COBL: variants seen among roughly 807,000 people sequenced by gnomAD.
The protein encoded by COBL is cordon-bleu WH2 repeat protein, also known as protein cordon-bleu.
In COBL, 51 loss-of-function variants were observed where a neutral mutation model predicts 98.8. The ratio of observed to expected loss-of-function variants is 0.52; its 90% CI spans 0.41 to 0.65. The LOEUF (loss-of-function observed/expected upper bound fraction) is 0.65, where lower values mean the gene tolerates loss of function less well. Ranked by LOEUF, COBL falls within the 30% of genes least tolerant of loss-of-function variation. The probability of loss-of-function intolerance (pLI) is 0.00; values close to 1 mark genes in which losing one functional copy is unlikely to be tolerated. For missense variants in COBL, 1,617 were observed against 1,617.5 expected (o/e 1.00, Z 0.01); for synonymous variants, 634 against 651.7 (o/e 0.97, Z 0.41).
chr7:51,280,834 T>C (rs144383235), intron 1 of COBL, among the ~76,000 whole-genome samples: 14 of 152,288 alleles, frequency 9.2e-5, no homozygotes, highest in African/African-American at 3.4e-4. Context: ...GTACAGACTT[T>C]CAAACTTAAC....
At chr7:51,125,040 T>C (rs919838962) in intron 6 of COBL, among the ~76,000 whole-genome samples, 3 of 152,196 alleles carry the variant, frequency 2.0e-5, no homozygotes, top group African/African-American at 7.2e-5. Context: ...CTTGAACTCC[T>C]GACCTTAAGT....
At chr7:51,315,330 G>C (rs774517739) in intron 1 of COBL, among the ~76,000 whole-genome samples, 1 of 151,406 alleles carries the variant, frequency 6.6e-6, no homozygotes, top group African/African-American at 2.4e-5. Flanking sequence ...TATTTGATTT[G>C]CTAACCTGGC....
At chr7:51,240,474 A>G (rs992828215) in intron 1 of COBL, among the ~76,000 whole-genome samples, 11 of 152,380 alleles carry the variant, frequency 7.2e-5, no homozygotes, top group African/African-American at 2.4e-4. Flanking sequence ...GTGCGGCTCA[A>G]GTGAACAAAA....
At chr7:51,141,971 C>G (rs9691119) in intron 5 of COBL, among the ~76,000 whole-genome samples, 1 of 152,190 alleles carries the variant, frequency 6.6e-6, no homozygotes, top group African/African-American at 2.4e-5. Flanking sequence ...AGGGCACAGC[C>G]TTCCTGACAG....
At position 51,027,946 on chromosome 7, in the gene COBL, G is replaced by A; in HGVS notation, c.3150C>T (p.Ser1050=). 1 of 1,612,488 alleles carries A rather than the reference G, an allele frequency of 6.2e-7. No homozygotes were observed. The highest frequency in any genetic ancestry group is 8.5e-7 in the Non-Finnish European group (1 of 1,179,032). ...CTGTGCCAGACCCTCCTGGAGGGTG[G>A]GAAGGCTCGCCGTGGCCTGGGGCGC... The part of the protein sequence containing the change: ...SVRAPGHGEP[S]HPPGGSGTES... The change falls in exon 10 of 13, where the codon TCC becomes TCT. Residue 1050 remains serine (S), a synonymous_variant. Coordinates refer to ENST00000265136, the MANE Select transcript of COBL (RefSeq NM_015198.5).
At chr7:51,183,523 T>C (rs1789192918) in intron 5 of COBL, among the ~76,000 whole-genome samples, 1 of 152,168 alleles carries the variant, frequency 6.6e-6, no homozygotes, top group Admixed American at 6.5e-5. Flanking sequence ...GAATACTGTA[T>C]CCAAAATATG....
intron 5 of COBL, among the ~76,000 whole-genome samples, chr7:51,138,402 CA>C (rs1391628813): frequency 6.6e-6 from 1 of 152,174 alleles, no homozygotes; most frequent in East Asian, 1.9e-4. Context: ...TTTAACCCTG[CA>C]GGATCTAGAA....
At chr7:51,225,424 G>A (rs953499671) in intron 1 of COBL, among the ~76,000 whole-genome samples, 5 of 152,178 alleles carry the variant, frequency 3.3e-5, no homozygotes, top group African/African-American at 9.7e-5. Flanking sequence ...CACACCCATC[G>A]CAGGTGCTCC....
intron 6 of COBL, among the ~76,000 whole-genome samples, chr7:51,123,807 C>T (rs1182644630): frequency 2.0e-5 from 3 of 152,152 alleles, no homozygotes; most frequent in Non-Finnish European, 2.9e-5. Flanking sequence ...CAGTGCTACG[C>T]CATGTGACAG....
chr7:51,216,157 C>A (rs1002940470), intron 2 of COBL, among the ~76,000 whole-genome samples: 1 of 152,236 alleles, frequency 6.6e-6, no homozygotes, highest in African/African-American at 2.4e-5. Context: ...AAATACCTGA[C>A]ACCCTTTTGT....
chr7:51,026,634 G>A lies in COBL; in HGVS notation c.3416C>T (p.Ala1139Val), dbSNP rs367822531. Residue 1139 changes from alanine (A) to valine (V), a missense_variant, in exon 11 of 13, where the codon GCG (alanine) becomes GTG (valine). This residue lies in a region of COBL where 1,304 missense variants were observed against 1,282.0 expected (regional missense o/e 1.02). Transcript: ENST00000265136. ...TAEHTGEGRP[A>V]KLSYTEAEGE... is the part of the protein sequence containing the mutation. ...CTCTGCCTCCGTGTAGGACAGTTTCGCTGGCCTGCCCTCCCCGGTGTGTTC... is the reference window on the plus strand; with the variant it reads ...CTCTGCCTCCGTGTAGGACAGTTTCACTGGCCTGCCCTCCCCGGTGTGTTC... 31 of 1,613,904 alleles carry A rather than the reference G, an allele frequency of 1.9e-5. No individual in the cohort carries two copies. The highest frequency in any genetic ancestry group is 2.3e-5 in the Non-Finnish European group (27 of 1,180,014).
chr7:51,303,453 G>C (rs1802176647), intron 1 of COBL, among the ~76,000 whole-genome samples: 1 of 152,132 alleles, frequency 6.6e-6, no homozygotes, highest in African/African-American at 2.4e-5. Flanking sequence ...TGCAGAGACG[G>C]CCACTGGAGG....
chr7:51,187,300 ATATGTT>A (rs1277384360), intron 4 of COBL, among the ~76,000 whole-genome samples: 3 of 137,126 alleles, frequency 2.2e-5, no homozygotes, highest in Non-Finnish European at 4.6e-5. Context: ...ACATATATGT[ATATGTT>A]TAAGTATATA....
At chr7:51,022,918 A>G (rs1027604187) in intron 12 of COBL, 1 of 152,238 alleles carries the variant, frequency 6.6e-6, no homozygotes, top group African/African-American at 2.4e-5. Flanking sequence ...AAAATTGCAG[A>G]TTCATAGGCT....
chr7:51,159,659 C>A (rs566790843), intron 5 of COBL, among the ~76,000 whole-genome samples: 1 of 152,252 alleles, frequency 6.6e-6, no homozygotes, highest in Non-Finnish European at 1.5e-5. Flanking sequence ...TCCTTACAAA[C>A]ATCACATTTT....
Position 51,029,429 on chromosome 7 carries a change from A to G in COBL, c.1667T>C (p.Leu556Ser). Reference protein sequence around the residue: ...EVSDDPVDSGLFSNRNNNAGS... With the variant: ...EVSDDPVDSGSFSNRNNNAGS... ...AGCATTGTTGTTTCTATTGGAAAAC[A>G]ACCCCGAATCCACAGGATCATCTGA... The change falls in exon 10 of 13, where the codon TTG becomes TCG. Residue 556 changes from leucine (L) to serine (S), a missense_variant. Leu to Ser is a moderately radical substitution (Grantham distance 145). This residue lies in a region of COBL where 1,304 missense variants were observed against 1,282.0 expected (regional missense o/e 1.02). Coordinates refer to ENST00000265136, the MANE Select transcript of COBL (RefSeq NM_015198.5). The G allele has an allele frequency of 6.2e-7, 1 of 1,614,164 alleles. No individual in the cohort carries two copies. The highest frequency in any genetic ancestry group is 8.5e-7 in the Non-Finnish European group (1 of 1,180,024).
At chr7:51,236,844 C>T (rs552191176) in intron 1 of COBL, among the ~76,000 whole-genome samples, 1 of 152,286 alleles carries the variant, frequency 6.6e-6, no homozygotes, top group Admixed American at 6.5e-5. Context: ...GGGTCGGTGT[C>T]CTAAACCCAC....
chr7:51,051,466 A>G (rs999816530), intron 7 of COBL, among the ~76,000 whole-genome samples: 1 of 152,218 alleles, frequency 6.6e-6, no homozygotes, highest in South Asian at 2.1e-4. Flanking sequence ...GGCAATGACT[A>G]AAAGTATTTA....
At position 51,159,925 on chromosome 7, in the gene COBL, T is replaced by C. The variant is rs1258439367; in HGVS notation, c.784-23594A>G. Among the ~76,000 whole-genome samples, 3 of 152,226 alleles carry C rather than the reference T, an allele frequency of 2.0e-5. No homozygotes were observed. The South Asian group carries it at 6.2e-4, about 32-fold the overall frequency. On this transcript the variant is annotated intron_variant, in intron 5 of 12. Coordinates refer to ENST00000265136, the MANE Select transcript of COBL (RefSeq NM_015198.5). Reference sequence around the variant, plus strand: ...TGTTGTTGTTTTGAGACAGTTTCACTATTGTTGCCCAGGCTGGAGTGCAAT... The same window carrying C: ...TGTTGTTGTTTTGAGACAGTTTCACCATTGTTGCCCAGGCTGGAGTGCAAT...
Sources: gnomAD v4.1 joint callset for allele counts (sites outside exome capture counted in the v4.1 genomes callset) on GRCh38, gnomAD v4.1.1 for gene constraint, gnomAD v4.1.1 regional missense constraint, MANE v1.5 for transcripts, NCBI Gene and HGNC (gene_info 2026-07-23, HGNC 2026-07-21) for gene names.